The following KCNK10 variants were observed in gnomAD, a reference collection of about 807,000 sequenced individuals.
KCNK10 encodes potassium channel subfamily K member 10.
Under a neutral mutation model 47.7 loss-of-function variants are expected in KCNK10, and 25 were observed. The ratio of observed to expected loss-of-function variants is 0.52; its 90% CI spans 0.38 to 0.73. The LOEUF (loss-of-function observed/expected upper bound fraction) is 0.73. KCNK10 is among the 30% of genes least tolerant of loss of function. The probability of loss-of-function intolerance (pLI) is 0.00; values close to 1 mark genes in which losing one functional copy is unlikely to be tolerated. For synonymous variants in KCNK10, 303 were observed against 285.6 expected, an observed-to-expected ratio of 1.06 and a Z score of -0.61; for missense variants, 563 against 714.5, an observed-to-expected ratio of 0.79 and a Z score of 2.42.
rs77851691 is a variant in KCNK10, at chr14:88,260,682, C to T, written c.402+2520G>A. Among the ~76,000 whole-genome samples, 33 of 152,240 alleles carry T rather than the reference C, an allele frequency of 2.2e-4. No individual in the cohort carries two copies. The East Asian group carries it at 2.3e-3, about 11-fold the overall frequency. On this transcript the variant is annotated intron_variant, in intron 2 of 6. Transcript: ENST00000319231. The surrounding 1 kb of genome is among the most constrained non-coding windows in gnomAD (Gnocchi z 4.5). ...GTTTCCTCCCCTGTAAAATGGGAAT[C>T]GTGATATGAACTTAGAGTGTTGTTG... is the stretch of plus-strand genomic sequence containing the variant.
At chr14:88,254,943 G>A (rs1240717572) in intron 2 of KCNK10, among the ~76,000 whole-genome samples, 1 of 152,156 alleles carries the variant, frequency 6.6e-6, no homozygotes, top group Non-Finnish European at 1.5e-5. Flanking sequence ...CACTCTGCTA[G>A]GTTCACTCAC....
At chr14:88,226,064 T>A (rs917933229) in intron 4 of KCNK10, among the ~76,000 whole-genome samples, 3 of 152,246 alleles carry the variant, frequency 2.0e-5, no homozygotes, top group Non-Finnish European at 4.4e-5. Context: ...AGGGCTTCTC[T>A]TGGAGAGAAA....
Position 88,180,878 on chromosome 14 carries a change from C to T in KCNK10, c.*4657G>A, listed in dbSNP as rs11849425. Reference sequence around the variant, plus strand: ...CCAAAGTTTCCCTATGCAGAATTAACAGCATCCACAATGCCACACTAAAGT... The same window carrying T: ...CCAAAGTTTCCCTATGCAGAATTAATAGCATCCACAATGCCACACTAAAGT... On this transcript the variant is annotated 3_prime_UTR_variant, in exon 7 of 7. Transcript: ENST00000319231. 8,042 of 398,678 alleles carry T rather than the reference C, an allele frequency of 0.02. 567 individuals carry two copies. The highest frequency in any genetic ancestry group is 0.15 in the African/African-American group (7,319 of 48,714). 24.7% of individuals were successfully genotyped at this position (398,678 alleles called of 1,614,324 possible). A position where few individuals can be genotyped will look rare whatever the true frequency, so the allele number is the denominator to read the frequency against.
At position 88,180,458 on chromosome 14, in the gene KCNK10, C is replaced by T; in HGVS notation, c.*5077G>A. 4.7e-6 allele frequency: 1 copy of T among 211,666 alleles called. No individual in the cohort carries two copies. Among genetic ancestry groups the T allele is most frequent in the Non-Finnish European group, 9.3e-6 (1 of 107,664 alleles). 13.1% of individuals were successfully genotyped at this position (211,666 alleles called of 1,614,324 possible). A position where few individuals can be genotyped will look rare whatever the true frequency, so the allele number is the denominator to read the frequency against. On this transcript the variant is annotated 3_prime_UTR_variant, in exon 7 of 7. Transcript: ENST00000319231. ...CATATCACTTCTAGGCACCACTGCA[C>T]CTTCTCCCTTCAAGCTCAGAGCCCT...
At chr14:88,297,865 G>A (rs1888018318) in intron 1 of KCNK10, among the ~76,000 whole-genome samples, 1 of 152,196 alleles carries the variant, frequency 6.6e-6, no homozygotes, top group South Asian at 2.1e-4. Context: ...ATGGATGTGG[G>A]AGATGCAGAC....
chr14:88,316,708 A>G (rs1190017282), intron 1 of KCNK10, among the ~76,000 whole-genome samples: 1 of 152,250 alleles, frequency 6.6e-6, no homozygotes, highest in Non-Finnish European at 1.5e-5. Context: ...ACCTTTCTGC[A>G]TCAGCCAAGG....
At chr14:88,287,753 T>G (rs1887797955) in intron 1 of KCNK10, among the ~76,000 whole-genome samples, 1 of 151,494 alleles carries the variant, frequency 6.6e-6, no homozygotes, top group Admixed American at 6.6e-5. Context: ...ACTCATTGAT[T>G]GATGGGCATT....
In KCNK10 at chr14:88,219,059, A is replaced by G. The variant is rs185453534; in HGVS notation, c.681+8316T>C. ...GGTTCTAATCCAGGTCCTACCACCA[A>G]TTCACTGTGTGGATCCAGGCAAGTC... On this transcript the variant is annotated intron_variant, in intron 4 of 6. Transcript: ENST00000319231. Among the ~76,000 whole-genome samples, 636 of 152,282 alleles carry G rather than the reference A, an allele frequency of 4.2e-3. 3 individuals carry two copies. The highest frequency in any genetic ancestry group is 6.3e-3 in the Non-Finnish European group (427 of 68,022).
chr14:88,240,842 A>G (rs1304268982), intron 2 of KCNK10, 22 bp from the exon 3 acceptor site: 3 of 1,448,878 alleles, frequency 2.1e-6, no homozygotes, highest in African/African-American at 2.8e-5. Context: ...GGGAAAAAGC[A>G]TAAGACTCAG....
intron 1 of KCNK10, among the ~76,000 whole-genome samples, chr14:88,300,311 C>T (rs1365604418): frequency 1.3e-5 from 2 of 152,214 alleles, no homozygotes; most frequent in Non-Finnish European, 2.9e-5. Context: ...CCATCTTGTG[C>T]CACACGTCCT....
At chr14:88,197,793 G>T (rs1472676622) in intron 4 of KCNK10, among the ~76,000 whole-genome samples, 1 of 150,064 alleles carries the variant, frequency 6.7e-6, no homozygotes, top group Non-Finnish European at 1.5e-5. Context: ...AGTTGCAAGG[G>T]ACATGGCAGT....
intron 1 of KCNK10, among the ~76,000 whole-genome samples, chr14:88,275,693 C>CAAAAAA (rs71126972): frequency 4.2e-5 from 3 of 72,024 alleles, no homozygotes; most frequent in African/African-American, 5.3e-5. Flanking sequence ...GCTAAAAATA[C>CAAAAAA]AAAAAAAAAA....
intron 1 of KCNK10, among the ~76,000 whole-genome samples, chr14:88,290,651 A>C (rs1305382017): frequency 6.6e-6 from 1 of 152,254 alleles, no homozygotes; most frequent in African/African-American, 2.4e-5. Flanking sequence ...AAGCCTCAAA[A>C]CTTATAACAG....
chr14:88,282,127 A>G (rs1887663539), intron 1 of KCNK10, among the ~76,000 whole-genome samples: 1 of 152,208 alleles, frequency 6.6e-6, no homozygotes, highest in Non-Finnish European at 1.5e-5. Context: ...GAATGAAATC[A>G]AAGAAGAAGA....
chr14:88,200,998 C>A (rs1227002259), intron 4 of KCNK10, among the ~76,000 whole-genome samples: 1 of 152,224 alleles, frequency 6.6e-6, no homozygotes, highest in African/African-American at 2.4e-5. Context: ...AAGATTCCCT[C>A]TTCGTAGTAA....
intron 1 of KCNK10, among the ~76,000 whole-genome samples, chr14:88,301,311 A>G (rs2144057): frequency 0.52 from 79,467 of 151,952 alleles, 21,814 homozygotes; most frequent in Non-Finnish European, 0.61. Flanking sequence ...GAGTCGTTGT[A>G]GAGCCTTTAG....
intron 1 of KCNK10, among the ~76,000 whole-genome samples, chr14:88,302,136 T>C (rs995466732): frequency 2.6e-5 from 4 of 152,144 alleles, no homozygotes; most frequent in South Asian, 2.1e-4. Flanking sequence ...AGAGGACTCA[T>C]GCAACATGCC....
At chr14:88,294,644 T>C (rs1041427554) in intron 1 of KCNK10, among the ~76,000 whole-genome samples, 1 of 152,148 alleles carries the variant, frequency 6.6e-6, no homozygotes, top group Non-Finnish European at 1.5e-5. Flanking sequence ...AATCCAAATA[T>C]ACAAACGTCC....
chr14:88,315,962 G>A (rs2139804579), intron 1 of KCNK10, among the ~76,000 whole-genome samples: 1 of 152,234 alleles, frequency 6.6e-6, no homozygotes, highest in Admixed American at 6.5e-5. Context: ...CTTATGTATG[G>A]CAGTAAATCC....
Sources: allele counts gnomAD v4.1 joint callset (sites outside exome capture counted in the v4.1 genomes callset), GRCh38; gene constraint gnomAD v4.1.1; non-coding constraint Gnocchi (gnomAD v3.1); transcripts MANE v1.5; gene names NCBI Gene and HGNC (gene_info 2026-07-23, HGNC 2026-07-21).